The following UPRT variants were observed in gnomAD, a reference collection of about 807,000 sequenced individuals.
The protein encoded by UPRT is RP11-311P8.3.
Under a neutral mutation model 22.6 loss-of-function variants are expected in UPRT, and 5 were observed. The observed-to-expected ratio is 0.22, with a 90% CI of 0.12 to 0.47. The LOEUF (loss-of-function observed/expected upper bound fraction) is 0.47. Ranked by LOEUF, UPRT falls within the 20% of genes least tolerant of loss-of-function variation. The probability of loss-of-function intolerance (pLI) is 0.99; values close to 1 mark genes in which losing one functional copy is unlikely to be tolerated. For missense variants in UPRT, 181 were observed against 239.9 expected (o/e 0.75, Z 1.62); for synonymous variants, 77 against 87.7 (o/e 0.88, Z 0.68).
intron 4 of UPRT, among the ~76,000 whole-genome samples, chrX:75,182,800 T>G (rs776760478): frequency 9.0e-6 from 1 of 110,824 alleles, no homozygotes; most frequent in East Asian, 2.8e-4. Flanking sequence ...AACAAGCTCC[T>G]GGATTCATTG....
chrX:75,272,347 C>CACATATATATGTGTAT (rs2082613042), upstream of UPRT, among the ~76,000 whole-genome samples: 1 of 81,393 alleles, frequency 1.2e-5, no homozygotes, highest in African/African-American at 5.6e-5. Context: ...TATATATACA[C>CACATATATATGTGTAT]ATATATATAT....
At chrX:75,224,856 C>G (rs2082419283) in intron 4 of UPRT, among the ~76,000 whole-genome samples, 1 of 111,364 alleles carries the variant, frequency 9.0e-6, no homozygotes, top group Non-Finnish European at 1.9e-5. Flanking sequence ...TGAGAGGGCT[C>G]TTAGGTTTAA....
At chrX:75,243,650 G>A (rs898229641) in intron 4 of UPRT, among the ~76,000 whole-genome samples, 6 of 111,319 alleles carry the variant, frequency 5.4e-5, no homozygotes, top group African/African-American at 2.0e-4. Flanking sequence ...GCTAATATAG[G>A]TAAATGTATG....
chrX:75,252,210 A>G (rs1242359424), intron 4 of UPRT, among the ~76,000 whole-genome samples: 1 of 112,276 alleles, frequency 8.9e-6, no homozygotes, highest in Non-Finnish European at 1.9e-5. Flanking sequence ...AAATTGACAA[A>G]TGGGATCTAA....
chrX:75,272,906 CAA>C (rs908270096), upstream of UPRT, among the ~76,000 whole-genome samples: 6 of 111,407 alleles, frequency 5.4e-5, no homozygotes, highest in Admixed American at 9.5e-5. Flanking sequence ...TTTACAATAA[CAA>C]AGACATGGAA....
intron 4 of UPRT, among the ~76,000 whole-genome samples, chrX:75,241,302 TG>T (rs2082487651): frequency 1.8e-5 from 2 of 111,145 alleles, no homozygotes; most frequent in Admixed American, 1.9e-4. Context: ...GATATACAAA[TG>T]TCTAGCAAAC....
At position 75,274,115 on chromosome X, in the gene UPRT, T is replaced by G. The variant is rs755975569; in HGVS notation, c.-140T>G. 12 of 945,392 alleles carry G rather than the reference T, an allele frequency of 1.3e-5. No individual in the cohort carries two copies. The South Asian group carries it at 3.2e-4, about 26-fold the overall frequency. The allele number at this position is 945,392 out of a possible 1,213,427, so 77.9% of individuals were successfully genotyped here. A position where few individuals can be genotyped will look rare whatever the true frequency, so the allele number is the denominator to read the frequency against. On this transcript the variant is annotated 5_prime_UTR_variant, in exon 1 of 7. Coordinates refer to ENST00000373383, the MANE Select transcript of UPRT (RefSeq NM_145052.4). ...GTGCTAAAGGAAACCAACAGCGGCC[T>G]AGGGGTGAAAGGACAGCCAGGGTTA...
intron 4 of UPRT, among the ~76,000 whole-genome samples, chrX:75,197,717 T>G (rs2082336892): frequency 9.0e-6 from 1 of 111,673 alleles, no homozygotes; most frequent in Admixed American, 9.5e-5. Context: ...AGAAGCCCAA[T>G]AAGACATGAA....
chrX:75,175,154 G>A (rs746307113), intron 4 of UPRT, among the ~76,000 whole-genome samples: 2 of 110,741 alleles, frequency 1.8e-5, no homozygotes, highest in East Asian at 2.8e-4. Context: ...TTTGCATTGC[G>A]TGACTGTGCA....
chrX:75,233,074 T>C, intron 4 of UPRT, among the ~76,000 whole-genome samples: 1 of 110,768 alleles, frequency 9.0e-6, no homozygotes, highest in Non-Finnish European at 1.9e-5. Context: ...GAATAACCAA[T>C]ACAGAGAAAT....
intron 4 of UPRT, among the ~76,000 whole-genome samples, chrX:75,252,950 C>G (rs1010460945): frequency 6.3e-5 from 7 of 111,075 alleles, no homozygotes; most frequent in Non-Finnish European, 1.1e-4. Context: ...GGACAAAAAA[C>G]GAAACACCAC....
chrX:75,177,201 C>T (rs1023309942), intron 4 of UPRT, among the ~76,000 whole-genome samples: 7 of 110,685 alleles, frequency 6.3e-5, no homozygotes, highest in Admixed American at 1.9e-4. Context: ...TCCCTGGACC[C>T]TGCTGATCGG....
At chrX:75,162,588 G>C (rs2082203315) in intron 2 of UPRT, among the ~76,000 whole-genome samples, 1 of 111,564 alleles carries the variant, frequency 9.0e-6, no homozygotes, top group African/African-American at 3.3e-5. Context: ...GGATAGGCTT[G>C]AGTGTGACAT....
At chrX:75,217,033 G>A (rs1245144627) in intron 4 of UPRT, among the ~76,000 whole-genome samples, 2 of 111,908 alleles carry the variant, frequency 1.8e-5, no homozygotes, top group Non-Finnish European at 3.8e-5. Context: ...GGTTACAGGC[G>A]TGAGCCACTG....
chrX:75,255,055 G>A (rs989748272), intron 4 of UPRT, among the ~76,000 whole-genome samples: 20 of 110,757 alleles, frequency 1.8e-4, no homozygotes, highest in Admixed American at 1.6e-3. Flanking sequence ...GATTACAGGC[G>A]TGAGCCACCG....
In UPRT at chrX:75,186,652, A is replaced by G. The variant is rs181882937; in HGVS notation, c.-447+18773A>G. ...AAATCTCCCATTATTATTGTGTGGG[A>G]GTCTAAGTCACTTTGTAGGCCACTA... On this transcript the variant is annotated intron_variant, in intron 4 of 13. Transcript: ENST00000652605. Among the ~76,000 whole-genome samples, 326 of 111,537 alleles carry G rather than the reference A, an allele frequency of 2.9e-3. 1 individual carries two copies. Among genetic ancestry groups the G allele is most frequent in the African/African-American group, 9.7e-3 (296 of 30,628 alleles).
chrX:75,175,053 C>T (rs1023006608), intron 4 of UPRT, among the ~76,000 whole-genome samples: 7 of 110,206 alleles, frequency 6.4e-5, no homozygotes, highest in African/African-American at 2.3e-4. Context: ...CTGGTCTTTC[C>T]TTACTTCTGC....
At chrX:75,205,353 C>T (rs1211579612) in intron 4 of UPRT, among the ~76,000 whole-genome samples, 1 of 94,065 alleles carries the variant, frequency 1.1e-5, no homozygotes, top group African/African-American at 4.1e-5. Flanking sequence ...GTCCGCAGTC[C>T]GGCCTGGGCG....
At chrX:75,175,388 G>T (rs1322670902) in intron 4 of UPRT, among the ~76,000 whole-genome samples, 1 of 112,340 alleles carries the variant, frequency 8.9e-6, no homozygotes, top group Non-Finnish European at 1.9e-5. Flanking sequence ...AACTGATGAG[G>T]TGGGAGAAAT....
Sources: allele counts gnomAD v4.1 joint callset (sites outside exome capture counted in the v4.1 genomes callset), GRCh38; gene constraint gnomAD v4.1.1; transcripts MANE v1.5; gene names NCBI Gene and HGNC (gene_info 2026-07-23, HGNC 2026-07-21).